Variants in NEBL observed in about 807,000 individuals in gnomAD.
NEBL encodes the protein nebulette, also known as LIM and SH3 protein 2.
A neutral mutation model predicts 140.2 loss-of-function variants in NEBL; 122 were observed. That is an observed-to-expected ratio of 0.87 (90% CI 0.75 to 1.01). The LOEUF is 1.01. Among genes scored for constraint, NEBL ranks in the 50% least tolerant of loss-of-function variants. NEBL has a pLI of 0.00. For missense variants in NEBL, 1,365 were observed against 1,231.3 expected (o/e 1.11, Z -1.62); for synonymous variants, 436 against 398.9 (o/e 1.09, Z -1.11).
chr10:20,936,852 G>T (rs910180845), intron 4 of NEBL, among the ~76,000 whole-genome samples: 1 of 152,120 alleles, frequency 6.6e-6, no homozygotes, highest in South Asian at 2.1e-4. Flanking sequence ...AGCTTGGGTC[G>T]ATTCCTTTTC....
intron 4 of NEBL, among the ~76,000 whole-genome samples, chr10:20,952,517 A>T (rs1282710273): frequency 1.3e-5 from 2 of 151,656 alleles, no homozygotes; most frequent in African/African-American, 4.8e-5. Context: ...AAGAATATTC[A>T]GCTTGAAAAT....
chr10:21,108,685 G>T (rs1308249685), intron 2 of NEBL, among the ~76,000 whole-genome samples: 1 of 152,128 alleles, frequency 6.6e-6, no homozygotes, highest in Non-Finnish European at 1.5e-5. Flanking sequence ...GGTCCGCTTG[G>T]TCCAGAGCTG....
chr10:21,214,394 G>C (rs1841957749), intron 3 of NEBL, among the ~76,000 whole-genome samples: 2 of 152,038 alleles, frequency 1.3e-5, no homozygotes, highest in Admixed American at 1.3e-4. Flanking sequence ...AGGAAGGAAA[G>C]AAACAAGAAG....
chr10:21,137,304 T>C (rs1839397210), intron 2 of NEBL, among the ~76,000 whole-genome samples: 1 of 152,252 alleles, frequency 6.6e-6, no homozygotes, highest in Admixed American at 6.5e-5. Context: ...TAAGAGTCTG[T>C]ATATAACAAA....
chr10:21,167,902 C>T (rs1174926943), intron 2 of NEBL, among the ~76,000 whole-genome samples: 1 of 152,152 alleles, frequency 6.6e-6, no homozygotes, highest in African/African-American at 2.4e-5. Flanking sequence ...GAATCCATTG[C>T]CTGCTTATGA....
intron 14 of NEBL, among the ~76,000 whole-genome samples, chr10:20,833,342 T>C (rs1840593159): frequency 6.6e-6 from 1 of 151,952 alleles, no homozygotes; most frequent in African/African-American, 2.4e-5. Context: ...CACAATAAGA[T>C]CCATTGACTT....
chr10:20,950,094 T>G (rs910025648), intron 4 of NEBL, among the ~76,000 whole-genome samples: 2 of 152,208 alleles, frequency 1.3e-5, no homozygotes, highest in South Asian at 2.1e-4. Flanking sequence ...GAACATTAGA[T>G]GTATTATCTC....
chr10:20,812,924 T>C lies in NEBL; in HGVS notation c.2363A>G (p.Asp788Gly), dbSNP rs1441243584. ...NHISMVKYHE[D>G]FEKTKGRGFT... is the part of the protein sequence containing the mutation. ...GCCTCTCCCCTTTGTTTTTTCAAAA[T>C]CTTCATGGTATTTTACCTGAAAAAG... is the stretch of plus-strand genomic sequence containing the variant. Residue 788 changes from aspartate (D) to glycine (G), a missense_variant, in exon 24 of 28, where the codon GAT becomes GGT. Physicochemically the swap from Asp to Gly is moderately conservative, Grantham distance 94. Coordinates refer to ENST00000377122, the MANE Select transcript of NEBL (RefSeq NM_006393.3). 2.5e-5 allele frequency: 41 copies of C among 1,613,760 alleles called. No individual in the cohort carries two copies. The highest frequency in any genetic ancestry group is 3.5e-5 in the Non-Finnish European group (41 of 1,179,870).
At chr10:21,068,784 A>G (rs1323388869) in intron 2 of NEBL, among the ~76,000 whole-genome samples, 1 of 152,214 alleles carries the variant, frequency 6.6e-6, no homozygotes, top group African/African-American at 2.4e-5. Context: ...AAATAGTCTA[A>G]TTACCTAGTT....
chr10:21,060,988 G>T (rs1394896422), intron 2 of NEBL, among the ~76,000 whole-genome samples: 1 of 152,038 alleles, frequency 6.6e-6, no homozygotes, highest in Non-Finnish European at 1.5e-5. Context: ...CCCCGAGAAA[G>T]ATTTGTTGAA....
At position 21,234,959 on chromosome 10, in the gene NEBL, G is replaced by A. The variant is rs536965114; in HGVS notation, n.348+12962C>T. Among the ~76,000 whole-genome samples, 7 of 152,260 alleles carry A rather than the reference G, an allele frequency of 4.6e-5. No homozygotes were observed. The South Asian group carries it at 1.5e-3, about 32-fold the overall frequency. ...GCCTCTTTAACAGAGAGAAAGGAGA[G>A]GACCTAAGAAGATTATAGAACAAGA... is the stretch of plus-strand genomic sequence containing the variant. On this transcript the variant is annotated intron_variant and non_coding_transcript_variant, in intron 3 of 8. Coordinates refer to the NEBL transcript ENST00000675702.
At position 20,942,119 on chromosome 10, in the gene NEBL, C is replaced by T. The variant is rs144300228; in HGVS notation, c.357+19553G>A. The stretch of plus-strand genomic sequence containing the variant: ...AGTTCATATGGAACCAAAAAAGAGC[C>T]CACCTTGCCAAGTCAATCCTAAGCC... On this transcript the variant is annotated intron_variant, in intron 4 of 6. Coordinates refer to the NEBL transcript ENST00000417816. Among the ~76,000 whole-genome samples the T allele has an allele frequency of 8.3e-3, 1,257 of 152,226 alleles. 19 individuals are homozygous for T. The highest frequency in any genetic ancestry group is 0.028 in the African/African-American group (1,159 of 41,520).
intron 3 of NEBL, among the ~76,000 whole-genome samples, chr10:21,016,078 G>C (rs1240529949): frequency 6.6e-6 from 1 of 152,248 alleles, no homozygotes; most frequent in Non-Finnish European, 1.5e-5. Flanking sequence ...GGGCCCGTGG[G>C]GGCGTCTAAC....
At chr10:20,897,073 T>C (rs763105956) in intron 1 of NEBL, 44 bp from the exon 2 acceptor site, 9 of 1,603,644 alleles carry the variant, frequency 5.6e-6, no homozygotes, top group East Asian at 2.2e-5. Flanking sequence ...ATTTTTCTCA[T>C]TGTCAATTTA....
At chr10:21,062,663 G>A (rs1835356554) in intron 2 of NEBL, among the ~76,000 whole-genome samples, 1 of 151,916 alleles carries the variant, frequency 6.6e-6, no homozygotes, top group South Asian at 2.1e-4. Context: ...TTCCAGCCTG[G>A]GTGACAGAGT....
intron 3 of NEBL, among the ~76,000 whole-genome samples, chr10:21,186,257 AACACACACACACACACACACAC>A (rs765894739): frequency 8.0e-6 from 1 of 124,738 alleles, no homozygotes; most frequent in Admixed American, 8.2e-5. Context: ...TATATATACA[AACACACACACACACACACACAC>A]ACACACACAC....
chr10:20,901,424 T>A (rs965342300), upstream of NEBL, among the ~76,000 whole-genome samples: 2 of 152,186 alleles, frequency 1.3e-5, no homozygotes, highest in Admixed American at 6.5e-5. Context: ...ATGACAAGAC[T>A]TTCTTGGTTT....
chr10:20,970,116 T>G (rs1423407303), intron 3 of NEBL, among the ~76,000 whole-genome samples: 2 of 152,202 alleles, frequency 1.3e-5, no homozygotes, highest in African/African-American at 4.8e-5. Flanking sequence ...CTGCCTGACA[T>G]CTAGTAAGTG....
At chr10:21,135,759 G>A (rs1839327782) in intron 2 of NEBL, among the ~76,000 whole-genome samples, 1 of 152,120 alleles carries the variant, frequency 6.6e-6, no homozygotes, top group African/African-American at 2.4e-5. Flanking sequence ...CATCCCAGTG[G>A]GTCTGGGACT....
Sources: gnomAD v4.1 joint callset for allele counts (sites outside exome capture counted in the v4.1 genomes callset) on GRCh38, gnomAD v4.1.1 for gene constraint, MANE v1.5 for transcripts, NCBI Gene and HGNC (gene_info 2026-07-23, HGNC 2026-07-21) for gene names.